The following BCAR3 variants were observed in gnomAD, a reference collection of about 807,000 sequenced individuals.
BCAR3 encodes the protein breast cancer anti-estrogen resistance protein 3.
BCAR3 carries 37 observed loss-of-function variants against 80.1 expected under a neutral mutation model. The observed-to-expected ratio is 0.46, with a 90% CI of 0.36 to 0.61. BCAR3 has a LOEUF of 0.61. BCAR3 is among the 20% of genes least tolerant of loss of function. The pLI is 0.00. For missense variants in BCAR3, 978 were observed against 1,068.2 expected (o/e 0.92, Z 1.18); for synonymous variants, 389 against 418.9 (o/e 0.93, Z 0.87).
At chr1:93,809,708 C>T (rs1370876600) in intron 2 of BCAR3, among the ~76,000 whole-genome samples, 1 of 147,110 alleles carries the variant, frequency 6.8e-6, no homozygotes, top group Non-Finnish European at 1.5e-5. Flanking sequence ...GCAGAGGTTG[C>T]AGCAAGCCTA....
chr1:93,675,254 T>C (rs574158425), intron 1 of BCAR3, among the ~76,000 whole-genome samples: 41 of 152,350 alleles, frequency 2.7e-4, no homozygotes, highest in African/African-American at 9.6e-4. Context: ...AGAGGACTCA[T>C]AGTTGCAGTA....
At chr1:93,628,692 C>T (rs899409250) in intron 3 of BCAR3, among the ~76,000 whole-genome samples, 3 of 152,186 alleles carry the variant, frequency 2.0e-5, no homozygotes, top group African/African-American at 7.2e-5. Context: ...TTCATAGCTG[C>T]TTTCCCTGAT....
At chr1:93,728,395 CT>C (rs1257126587) in intron 2 of BCAR3, among the ~76,000 whole-genome samples, 1 of 152,192 alleles carries the variant, frequency 6.6e-6, no homozygotes, top group African/African-American at 2.4e-5. Context: ...ACAGGGTGCT[CT>C]TTTAGTTTTG....
intron 7 of BCAR3, among the ~76,000 whole-genome samples, chr1:93,579,537 T>C (rs1673614918): frequency 6.6e-6 from 1 of 152,078 alleles, no homozygotes; most frequent in Non-Finnish European, 1.5e-5. Context: ...GAGGACAAAA[T>C]GCACCACAGC....
rs1197713614 is a variant in BCAR3, at chr1:93,562,052, C to T, written c.*189G>A. ...AATAATAAATTATTCATTTTAAAATCAGTAGTAACTTTAGACAATTCATAA... is the reference window on the plus strand; with the variant it reads ...AATAATAAATTATTCATTTTAAAATTAGTAGTAACTTTAGACAATTCATAA... On this transcript the variant is annotated 3_prime_UTR_variant, in exon 12 of 12. Transcript: ENST00000260502. The T allele has an allele frequency of 1.3e-5, 6 of 464,710 alleles. No individual in the cohort carries two copies. Among genetic ancestry groups the T allele is most frequent in the Non-Finnish European group, 2.1e-5 (6 of 281,516 alleles). 28.8% of individuals were successfully genotyped at this position (464,710 alleles called of 1,614,324 possible).
chr1:93,688,796 TTG>T (rs1649064868), intron 3 of BCAR3, among the ~76,000 whole-genome samples: 1 of 151,824 alleles, frequency 6.6e-6, no homozygotes, highest in African/African-American at 2.4e-5. Context: ...GTTTGTTTGT[TTG>T]TTTGTTTTTT....
intron 3 of BCAR3, among the ~76,000 whole-genome samples, chr1:93,603,543 C>T (rs376161856): frequency 6.9e-4 from 105 of 152,338 alleles, no homozygotes; most frequent in African/African-American, 2.2e-3. Context: ...TGCTATGAGC[C>T]AGCTCCTTCA....
intron 2 of BCAR3, among the ~76,000 whole-genome samples, chr1:93,844,804 C>T (rs1382675396): frequency 6.6e-6 from 1 of 151,292 alleles, no homozygotes; most frequent in Admixed American, 6.6e-5. Context: ...AAGCTCCTGG[C>T]CTCAAGTGAT....
At chr1:93,632,001 C>T (rs1447013476) in intron 3 of BCAR3, among the ~76,000 whole-genome samples, 6 of 152,174 alleles carry the variant, frequency 3.9e-5, no homozygotes, top group Non-Finnish European at 8.8e-5. Flanking sequence ...GGTTCAAGTA[C>T]CCATGCTGCC....
chr1:93,838,365 C>A (rs1654842295), intron 2 of BCAR3, among the ~76,000 whole-genome samples: 1 of 152,190 alleles, frequency 6.6e-6, no homozygotes, highest in Admixed American at 6.5e-5. Context: ...GGAAACCAAT[C>A]CATATCCATG....
At chr1:93,837,564 A>G (rs1654814847) in intron 2 of BCAR3, among the ~76,000 whole-genome samples, 1 of 152,170 alleles carries the variant, frequency 6.6e-6, no homozygotes, top group Non-Finnish European at 1.5e-5. Context: ...CTCAGTTCGA[A>G]TTACTTTAAA....
upstream of BCAR3, among the ~76,000 whole-genome samples, chr1:93,684,724 T>A (rs562560271): frequency 7.6e-4 from 114 of 150,602 alleles, no homozygotes; most frequent in Non-Finnish European, 2.9e-5. Flanking sequence ...GAATCAGGTG[T>A]TTTTTGTTTT....
rs1333776445 is a variant in BCAR3, at chr1:93,797,984, T to G, written c.-63+47583A>C. On this transcript the variant is annotated intron_variant, in intron 2 of 13. Coordinates refer to the BCAR3 transcript ENST00000370244. ...GAAAGGGCCGGTGGGCAAAGGTAAA[T>G]GCCCTTGAGATCTAGAAGAGGCTTT... Among the ~76,000 whole-genome samples the G allele has an allele frequency of 2.0e-5, 3 of 152,350 alleles. No individual in the cohort carries two copies. In the East Asian group the frequency reaches 5.8e-4, roughly 29 times the overall value.
intron 2 of BCAR3, among the ~76,000 whole-genome samples, 162 bp from the exon 3 acceptor site, chr1:93,642,505 T>A (rs1409916869): frequency 6.6e-6 from 1 of 152,190 alleles, no homozygotes; most frequent in Non-Finnish European, 1.5e-5. Flanking sequence ...GGGTGGGAGA[T>A]ACCACCATGA....
chr1:93,771,900 T>C (rs934200805), intron 2 of BCAR3, among the ~76,000 whole-genome samples: 2 of 152,158 alleles, frequency 1.3e-5, no homozygotes, highest in Middle Eastern at 3.2e-3. Flanking sequence ...CTTCTAAGAT[T>C]GCACCATGTC....
At chr1:93,712,039 G>C (rs1650043510) in intron 2 of BCAR3, among the ~76,000 whole-genome samples, 1 of 152,196 alleles carries the variant, frequency 6.6e-6, no homozygotes, top group Non-Finnish European at 1.5e-5. Context: ...TTTACTGACT[G>C]TGTGATCTTG....
intron 3 of BCAR3, among the ~76,000 whole-genome samples, chr1:93,632,744 C>A (rs1305293287): frequency 8.5e-5 from 13 of 152,164 alleles, no homozygotes; most frequent in Non-Finnish European, 2.9e-5. Flanking sequence ...TGCCACTCTT[C>A]TTTTGATTTT....
At chr1:93,670,984 T>C (rs766202359) in intron 2 of BCAR3, among the ~76,000 whole-genome samples, 3 of 152,076 alleles carry the variant, frequency 2.0e-5, no homozygotes, top group Non-Finnish European at 4.4e-5. Context: ...TGTTCAATTA[T>C]AATAAAGGTT....
intron 2 of BCAR3, among the ~76,000 whole-genome samples, chr1:93,666,320 C>T (rs577313238): frequency 6.6e-6 from 1 of 152,256 alleles, no homozygotes; most frequent in Admixed American, 6.5e-5. Context: ...CTTTATTTAA[C>T]CTACTATTTC....
Sources: allele counts gnomAD v4.1 joint callset (sites outside exome capture counted in the v4.1 genomes callset), GRCh38; gene constraint gnomAD v4.1.1; transcripts MANE v1.5; gene names NCBI Gene and HGNC (gene_info 2026-07-23, HGNC 2026-07-21).